MAML3: variants seen among roughly 807,000 people sequenced by gnomAD.
MAML3 encodes mastermind like transcriptional coactivator 3.
Under a neutral mutation model 101.9 loss-of-function variants are expected in MAML3, and 27 were observed. That is an observed-to-expected ratio of 0.27 (90% CI 0.20 to 0.37). MAML3 has a LOEUF of 0.37. Ranked by LOEUF, MAML3 falls within the 10% of genes least tolerant of loss-of-function variation. The probability of loss-of-function intolerance (pLI) is 1.00; values close to 1 mark genes in which losing one functional copy is unlikely to be tolerated. For missense variants in MAML3, 1,316 were observed against 1,444.9 expected (o/e 0.91, Z 1.45); for synonymous variants, 501 against 555.9 (o/e 0.90, Z 1.39).
At chr4:139,919,722 G>A (rs1432279780) in intron 1 of MAML3, among the ~76,000 whole-genome samples, 1 of 152,116 alleles carries the variant, frequency 6.6e-6, no homozygotes, top group African/African-American at 2.4e-5. Flanking sequence ...AGCCCTAGAG[G>A]TCTAGTTTAC....
At chr4:139,930,068 G>C (rs757389592) in intron 1 of MAML3, among the ~76,000 whole-genome samples, 6 of 152,110 alleles carry the variant, frequency 3.9e-5, no homozygotes, top group Non-Finnish European at 7.3e-5. Context: ...CTGCCCCAAA[G>C]GCTCTCACAG....
intron 2 of MAML3, among the ~76,000 whole-genome samples, chr4:139,783,302 G>A (rs182679692): frequency 2.6e-5 from 4 of 152,272 alleles, no homozygotes; most frequent in Admixed American, 2.0e-4. Context: ...CCAGTATTCC[G>A]GTGTTCCTGT....
Position 139,972,134 on chromosome 4 carries a change from G to C in MAML3, c.469-81167C>G, listed in dbSNP as rs1238220101. ...TGTTACATAGGTAAATGTGTGCCAT[G>C]GTGGTTTGTTGCACAGATCATCCTG... is the stretch of plus-strand genomic sequence containing the variant. On this transcript the variant is annotated intron_variant, in intron 1 of 4. Coordinates refer to ENST00000509479, the MANE Select transcript of MAML3 (RefSeq NM_018717.5). 5.3e-5 allele frequency among the ~76,000 whole-genome samples: 8 copies of C among 152,108 alleles called. No individual in the cohort carries two copies. The East Asian group carries it at 1.5e-3, about 29-fold the overall frequency.
intron 2 of MAML3, among the ~76,000 whole-genome samples, chr4:139,826,518 T>A (rs1193606634): frequency 6.6e-6 from 1 of 152,124 alleles, no homozygotes; most frequent in African/African-American, 2.4e-5. Context: ...ACTGGTGGCG[T>A]CAGCAATTAG....
intron 1 of MAML3, among the ~76,000 whole-genome samples, chr4:139,951,078 T>C (rs771936249): frequency 1.3e-5 from 2 of 152,224 alleles, no homozygotes; most frequent in Admixed American, 6.5e-5. Flanking sequence ...AACCAATATT[T>C]ATTTCCTTAA....
chr4:139,906,445 G>A (rs1560832069), intron 1 of MAML3, among the ~76,000 whole-genome samples: 3 of 152,180 alleles, frequency 2.0e-5, no homozygotes, highest in Admixed American at 2.0e-4. Flanking sequence ...CTTAGTAAAT[G>A]TCACTTTACG....
chr4:140,057,667 A>G lies in MAML3; in HGVS notation c.468+95193T>C, dbSNP rs148858712. ...ATCATCGTTATGAATATTAGTAGTA[A>G]TAATGGGCTGCAATTCAATTATCTT... is the stretch of plus-strand genomic sequence containing the variant. On this transcript the variant is annotated intron_variant, in intron 1 of 4. Transcript: ENST00000509479. Among the ~76,000 whole-genome samples the G allele has an allele frequency of 1.4e-3, 218 of 152,310 alleles. 2 individuals are homozygous for G. The East Asian group carries it at 0.04, about 28-fold the overall frequency.
intron 1 of MAML3, among the ~76,000 whole-genome samples, chr4:140,108,926 T>A (rs1728395569): frequency 1.3e-5 from 2 of 152,168 alleles, no homozygotes; most frequent in Admixed American, 1.3e-4. Flanking sequence ...CCAGGATTAC[T>A]TCTTTTTAAA....
chr4:139,774,832 A>G (rs866269721), intron 2 of MAML3, among the ~76,000 whole-genome samples: 86 of 152,344 alleles, frequency 5.6e-4, no homozygotes, highest in African/African-American at 2.0e-3. Context: ...GAATCTCCAC[A>G]CTGCAAAGTT....
At chr4:139,945,386 T>G (rs984622515) in intron 1 of MAML3, among the ~76,000 whole-genome samples, 1 of 152,240 alleles carries the variant, frequency 6.6e-6, no homozygotes, top group African/African-American at 2.4e-5. Flanking sequence ...ACATTTTTTA[T>G]TTTTATTTTT....
Position 139,731,638 on chromosome 4 carries a change from C to G in MAML3, c.2080-971G>C, listed in dbSNP as rs1308557343. Among the ~76,000 whole-genome samples the G allele has an allele frequency of 3.9e-5, 6 of 151,922 alleles. No homozygotes were observed. In the East Asian group the frequency reaches 1.2e-3, roughly 29 times the overall value. On this transcript the variant is annotated intron_variant, in intron 2 of 4. Transcript: ENST00000509479. ...TCTCAAAAAAAAAGAATTGAGTCTT[C>G]TATGTCTGGGATAATTTAAACATGG...
At chr4:139,959,035 G>C (rs1733961625) in intron 1 of MAML3, among the ~76,000 whole-genome samples, 1 of 152,048 alleles carries the variant, frequency 6.6e-6, no homozygotes, top group African/African-American at 2.4e-5. Context: ...TTTCTAGGTG[G>C]GGCTCACTAG....
chr4:139,750,771 C>T (rs557075020), intron 2 of MAML3, among the ~76,000 whole-genome samples: 15 of 152,292 alleles, frequency 9.8e-5, no homozygotes, highest in Non-Finnish European at 1.9e-4. Flanking sequence ...CAAAAGTTAG[C>T]GATAGATTTT....
chr4:139,814,335 TGCCTTACAGAACTCTGTGATCTC>T (rs1730858203), intron 2 of MAML3, among the ~76,000 whole-genome samples: 1 of 152,244 alleles, frequency 6.6e-6, no homozygotes, highest in Non-Finnish European at 1.5e-5. Flanking sequence ...ATAAGGCTTA[TGCCTTACAGAACTCTGTGATCTC>T]AAGTTATGTA....
At position 139,932,692 on chromosome 4, in the gene MAML3, G is replaced by T. The variant is rs556961657; in HGVS notation, c.469-41725C>A. Among the ~76,000 whole-genome samples the T allele has an allele frequency of 2.9e-3, 446 of 152,262 alleles. 2 individuals carry two copies. Among genetic ancestry groups the T allele is most frequent in the African/African-American group, 0.01 (436 of 41,550 alleles). ...TTTCAAATAAGTATAATTAATTAAT[G>T]ATCTTTATTTTGGGGAAAATGTTAC... On this transcript the variant is annotated intron_variant, in intron 1 of 4. Coordinates refer to ENST00000509479, the MANE Select transcript of MAML3 (RefSeq NM_018717.5).
chr4:139,909,764 G>C (rs1308600305), intron 1 of MAML3, among the ~76,000 whole-genome samples: 2 of 146,682 alleles, frequency 1.4e-5, no homozygotes, highest in African/African-American at 5.0e-5. Context: ...TTGAACCTGG[G>C]AAGTGGAGGT....
chr4:140,040,719 A>T (rs777023190), intron 1 of MAML3, among the ~76,000 whole-genome samples: 7 of 152,220 alleles, frequency 4.6e-5, no homozygotes, highest in Non-Finnish European at 1.0e-4. Context: ...TTTCCTACTG[A>T]CCTTATCTTG....
At chr4:140,013,019 T>A (rs1560866541) in intron 1 of MAML3, among the ~76,000 whole-genome samples, 1 of 152,176 alleles carries the variant, frequency 6.6e-6, no homozygotes, top group Non-Finnish European at 1.5e-5. Flanking sequence ...CAATTATGAG[T>A]GCTTTTTAAA....
chr4:139,862,253 A>C (rs1731797789), intron 2 of MAML3, among the ~76,000 whole-genome samples: 1 of 152,196 alleles, frequency 6.6e-6, no homozygotes, highest in African/African-American at 2.4e-5. Flanking sequence ...CCTATGTCCC[A>C]GCCCCAGAGA....
Sources: gnomAD v4.1 joint callset for allele counts (sites outside exome capture counted in the v4.1 genomes callset) on GRCh38, gnomAD v4.1.1 for gene constraint, MANE v1.5 for transcripts, NCBI Gene and HGNC (gene_info 2026-07-23, HGNC 2026-07-21) for gene names.